Variants in LRRC37B observed in about 807,000 individuals in gnomAD.
LRRC37B encodes leucine rich repeat containing 37B.
A neutral mutation model predicts 98.3 loss-of-function variants in LRRC37B; 28 were observed. That is an observed-to-expected ratio of 0.28 (90% CI 0.21 to 0.39). LRRC37B has a LOEUF of 0.39. Ranked by LOEUF, LRRC37B falls within the 10% of genes least tolerant of loss-of-function variation. The pLI is 1.00. For missense variants in LRRC37B, 938 were observed against 1,182.7 expected, an observed-to-expected ratio of 0.79 and a Z score of 3.03; for synonymous variants, 364 against 442.7, an observed-to-expected ratio of 0.82 and a Z score of 2.23.
intron 7 of LRRC37B, among the ~76,000 whole-genome samples, chr17:32,043,776 C>A (rs1198634043): frequency 6.6e-6 from 1 of 152,038 alleles, no homozygotes; most frequent in African/African-American, 2.4e-5. Context: ...TACATCATAC[C>A]CCCAACTCAC....
intron 1 of LRRC37B, 177 bp from the exon 5 acceptor site, chr17:32,024,534 G>A (rs2142243336): frequency 9.0e-7 from 1 of 1,106,536 alleles, no homozygotes; most frequent in Middle Eastern, 3.0e-4. Context: ...TGTGCCAGTG[G>A]CCCCGCATTA....
At chr17:32,027,441 G>T (rs577891595) in intron 2 of LRRC37B, among the ~76,000 whole-genome samples, 3 of 135,700 alleles carry the variant, frequency 2.2e-5, no homozygotes, top group Admixed American at 1.4e-4. Flanking sequence ...CTGTGTGTGT[G>T]TGCTTGCCTG....
intron 2 of LRRC37B, among the ~76,000 whole-genome samples, chr17:32,027,206 G>T (rs1319436305): frequency 1.3e-5 from 2 of 152,190 alleles, no homozygotes; most frequent in Non-Finnish European, 2.9e-5. Context: ...AGGAGGAAAT[G>T]GAGGTTCTGC....
At chr17:32,011,767 G>A (rs1346592864) in intron 1 of LRRC37B, among the ~76,000 whole-genome samples, 3 of 152,208 alleles carry the variant, frequency 2.0e-5, no homozygotes, top group South Asian at 2.1e-4. Flanking sequence ...AAAGTGCTGG[G>A]ATTACAGGCA....
chr17:32,049,142 C>G, exon 10 of LRRC37B: 5 of 1,613,920 alleles, frequency 3.1e-6, no homozygotes, highest in Non-Finnish European at 4.2e-6. Flanking sequence ...AGCTACGGTC[C>G]CTCATCCCCA....
intron 7 of LRRC37B, chr17:32,040,794 C>G: frequency 1.2e-6 from 1 of 828,294 alleles, no homozygotes; most frequent in Non-Finnish European, 2.1e-6. Flanking sequence ...CATGAAGCAC[C>G]TGGCAGAGGT....
intron 11 of LRRC37B, 94 bp downstream of exon 14, chr17:32,050,201 C>G (rs775333435): frequency 4.1e-6 from 3 of 736,730 alleles, no homozygotes. Context: ...CACTTTCCCA[C>G]TTGACATTCT....
At chr17:32,032,677 T>A (rs2142249640) in intron 5 of LRRC37B, among the ~76,000 whole-genome samples, 1 of 152,334 alleles carries the variant, frequency 6.6e-6, no homozygotes, top group South Asian at 2.1e-4. Context: ...TTTCTGCAGA[T>A]GCTCCTCTCT....
intron 7 of LRRC37B, chr17:32,041,894 C>G (rs890054777): frequency 1.6e-5 from 7 of 451,268 alleles, no homozygotes; most frequent in African/African-American, 1.4e-4. Flanking sequence ...GTCCTGACCC[C>G]ATGGGGGCCC....
intron 5 of LRRC37B, among the ~76,000 whole-genome samples, chr17:32,032,080 C>T (rs1393498942): frequency 8.4e-3 from 1,230 of 146,862 alleles, no homozygotes; most frequent in African/African-American, 0.027. Flanking sequence ...CCAGCCTGGC[C>T]AACATGGCGA....
intron 1 of LRRC37B, among the ~76,000 whole-genome samples, chr17:32,023,185 G>C (rs1049634339): frequency 6.9e-6 from 1 of 145,874 alleles, no homozygotes; most frequent in African/African-American, 2.5e-5. Flanking sequence ...GCAATGGCAT[G>C]GTCTTGGCTC....
chr17:32,007,779 A>T (rs1411112501), upstream of LRRC37B: 9 of 1,190,230 alleles, frequency 7.6e-6, no homozygotes, highest in African/African-American at 1.6e-5. This position sits in a 1 kb window ranked among gnomAD's most constrained non-coding sequence, Gnocchi z 4.1. Flanking sequence ...GGTGGCGCCC[A>T]AGACGCGGCT....
chr17:32,041,556 A>C, intron 7 of LRRC37B: 1 of 493,124 alleles, frequency 2.0e-6, no homozygotes, highest in Non-Finnish European at 4.0e-6. Flanking sequence ...CCGCCCCTCC[A>C]TCCACACTGG....
intron 11 of LRRC37B, chr17:32,050,497 A>T (rs563375599): frequency 1.7e-5 from 4 of 237,210 alleles, no homozygotes; most frequent in Non-Finnish European, 2.6e-5. Context: ...ACGGAGTTGT[A>T]ATCACCCTGG....
At position 32,027,710 on chromosome 17, in the gene LRRC37B, T is replaced by A. The variant is rs1598206378; in HGVS notation, c.1833-59T>A. 4.3e-6 allele frequency: 6 copies of A among 1,395,964 alleles called. No individual in the cohort carries two copies. The East Asian group carries it at 1.4e-4, about 33-fold the overall frequency. 86.5% of individuals were successfully genotyped at this position (1,395,964 alleles called of 1,614,324 possible). ...TTCCTCCACATGCAGGAGATAGTCC[T>A]GTGTAGCAAATAGTTGTAGTTTGCA... On this transcript the variant is annotated intron_variant, in intron 2 of 11. Transcript: ENST00000327564.
At chr17:32,033,340 G>A (rs1335341728) in intron 5 of LRRC37B, among the ~76,000 whole-genome samples, 2 of 140,070 alleles carry the variant, frequency 1.4e-5, no homozygotes, top group African/African-American at 5.1e-5. Flanking sequence ...GGGAGGGGAG[G>A]GAGGGAAGGG....
At chr17:32,039,111 G>A (rs1390768408) in intron 7 of LRRC37B, among the ~76,000 whole-genome samples, 1 of 152,006 alleles carries the variant, frequency 6.6e-6, no homozygotes, top group Non-Finnish European at 1.5e-5. Flanking sequence ...TATATGGTGT[G>A]AGGTTTATTG....
intron 1 of LRRC37B, among the ~76,000 whole-genome samples, chr17:32,013,706 GTA>G (rs201508094): frequency 4.1e-5 from 6 of 145,770 alleles, no homozygotes; most frequent in African/African-American, 1.3e-4. Context: ...CCTTATAATT[GTA>G]TATGTGTGTG....
intron 7 of LRRC37B, among the ~76,000 whole-genome samples, chr17:32,038,868 A>G (rs955885538): frequency 1.3e-5 from 2 of 152,214 alleles, no homozygotes; most frequent in African/African-American, 4.8e-5. Context: ...AAAAAAATAA[A>G]GAAAGAAAGA....
Sources: gnomAD v4.1 joint callset for allele counts (sites outside exome capture counted in the v4.1 genomes callset) on GRCh38, gnomAD v4.1.1 for gene constraint, Gnocchi (gnomAD v3.1) non-coding constraint, MANE v1.5 for transcripts, NCBI Gene and HGNC (gene_info 2026-07-23, HGNC 2026-07-21) for gene names.